Variants in TNFSF4 observed in about 807,000 individuals in gnomAD.
TNFSF4 encodes the protein TNF superfamily member 4, also known as tumor necrosis factor ligand superfamily member 4.
Under a neutral mutation model 7.3 loss-of-function variants are expected in TNFSF4, and 4 were observed. That is an observed-to-expected ratio of 0.55 (90% CI 0.27 to 1.25). The LOEUF is 1.25. Ranked by LOEUF, TNFSF4 falls within the 50% of genes most tolerant of loss-of-function variation. The pLI, the probability that TNFSF4 is intolerant of heterozygous loss-of-function variation, is 0.12. For synonymous variants in TNFSF4, 76 were observed against 83.7 expected (o/e 0.91, Z 0.50); for missense variants, 181 against 208.8 (o/e 0.87, Z 0.82).
the TNFSF4 span, among the ~76,000 whole-genome samples, chr1:173,329,666 G>A: frequency 1.3e-5 from 2 of 152,086 alleles, no homozygotes; most frequent in Non-Finnish European, 2.9e-5. Flanking sequence ...CATGTAATAT[G>A]AGCACCTTCT....
chr1:173,404,636 T>C, the TNFSF4 span, among the ~76,000 whole-genome samples: 2 of 16,100 alleles, frequency 1.2e-4, no homozygotes, highest in Non-Finnish European at 2.5e-4. Context: ...TGACTGCCAT[T>C]TTTTTTTTTT....
At chr1:173,254,232 T>C in the TNFSF4 span, among the ~76,000 whole-genome samples, 2 of 152,200 alleles carry the variant, frequency 1.3e-5, no homozygotes, top group African/African-American at 2.4e-5. Context: ...AAATCTAACT[T>C]GTTTTTATTC....
chr1:173,429,082 T>C, the TNFSF4 span, among the ~76,000 whole-genome samples: 1 of 152,088 alleles, frequency 6.6e-6, no homozygotes. Flanking sequence ...AGAGGATATG[T>C]GTAAAACAAA....
Position 173,186,152 on chromosome 1 carries a change from A to C in TNFSF4, c.*364T>G. 1.7e-5 allele frequency: 3 copies of C among 180,744 alleles called. No individual in the cohort carries two copies. Among genetic ancestry groups the C allele is most frequent in the Non-Finnish European group, 2.4e-5 (2 of 84,288 alleles). 11.2% of individuals were successfully genotyped at this position (180,744 alleles called of 1,614,324 possible). On this transcript the variant is annotated 3_prime_UTR_variant, in exon 3 of 3. Coordinates refer to ENST00000281834, the MANE Select transcript of TNFSF4 (RefSeq NM_003326.5). ...GTCAAATTTCCAGCAAATGGTAGTC[A>C]GGTACCGTTTTCAATGACATAAGTT...
chr1:173,307,424 A>G, the TNFSF4 span, among the ~76,000 whole-genome samples: 1 of 151,960 alleles, frequency 6.6e-6, no homozygotes, highest in Admixed American at 6.6e-5. Flanking sequence ...TGAATGACAA[A>G]GGCTGAGGAA....
the TNFSF4 span, among the ~76,000 whole-genome samples, chr1:173,316,892 T>C: frequency 1.3e-5 from 2 of 152,200 alleles, no homozygotes; most frequent in African/African-American, 4.8e-5. Context: ...AGCTTTGTTT[T>C]ACCTTTAACC....
At chr1:173,427,720 T>C in the TNFSF4 span, among the ~76,000 whole-genome samples, 1 of 152,252 alleles carries the variant, frequency 6.6e-6, no homozygotes, top group East Asian at 1.9e-4. Flanking sequence ...TCACAGAGTG[T>C]ACTTACACAA....
chr1:173,298,003 T>A, the TNFSF4 span, among the ~76,000 whole-genome samples: 1 of 151,844 alleles, frequency 6.6e-6, no homozygotes, highest in Non-Finnish European at 1.5e-5. Flanking sequence ...GTGGGTAGAG[T>A]CTGGGGAAGT....
chr1:173,448,208 T>C, the TNFSF4 span, among the ~76,000 whole-genome samples: 3 of 152,086 alleles, frequency 2.0e-5, no homozygotes, highest in African/African-American at 4.8e-5. Flanking sequence ...TTGATAGAAG[T>C]AGACAGAAAA....
At chr1:173,182,298 G>T (rs1011689992), downstream of TNFSF4, among the ~76,000 whole-genome samples, 1 of 152,196 alleles carries the variant, frequency 6.6e-6, no homozygotes, top group Non-Finnish European at 1.5e-5. Context: ...AAATGTTTAT[G>T]CATTTACCCA....
At chr1:173,333,672 G>A in the TNFSF4 span, among the ~76,000 whole-genome samples, 1 of 152,138 alleles carries the variant, frequency 6.6e-6, no homozygotes, top group African/African-American at 2.4e-5. Context: ...CAAAAAGAGG[G>A]CTCTCAGCAG....
the TNFSF4 span, among the ~76,000 whole-genome samples, chr1:173,316,912 A>G: frequency 5.3e-5 from 8 of 152,176 alleles, no homozygotes; most frequent in Non-Finnish European, 8.8e-5. Context: ...CTTTAAGACT[A>G]TGATCCATCT....
chr1:173,424,950 GATTCTTTAAATATTTCTT>G, the TNFSF4 span, among the ~76,000 whole-genome samples: 1 of 152,162 alleles, frequency 6.6e-6, no homozygotes, highest in East Asian at 1.9e-4. Flanking sequence ...TTCAATCAGA[GATTCTTTAAATATTTCTT>G]ATTCTTTAAA....
chr1:173,197,602 C>T (rs150208773), intron 1 of TNFSF4, among the ~76,000 whole-genome samples: 4 of 152,102 alleles, frequency 2.6e-5, no homozygotes, highest in Admixed American at 2.0e-4. Flanking sequence ...AGAAAAACAC[C>T]GCATGTTCTC....
At chr1:173,220,777 C>T in the TNFSF4 span, among the ~76,000 whole-genome samples, 1 of 152,154 alleles carries the variant, frequency 6.6e-6, no homozygotes, top group Admixed American at 6.5e-5. Flanking sequence ...CTTCCTAGTT[C>T]TCCAGAACTA....
the TNFSF4 span, among the ~76,000 whole-genome samples, chr1:173,390,746 T>TTC: frequency 3.1e-5 from 2 of 65,454 alleles, no homozygotes; most frequent in Admixed American, 1.7e-4. Flanking sequence ...TCTTTTTTTT[T>TTC]TTTCTTTTTT....
the TNFSF4 span, among the ~76,000 whole-genome samples, chr1:173,308,915 A>G: frequency 3.3e-5 from 5 of 152,048 alleles, no homozygotes; most frequent in East Asian, 9.7e-4. Context: ...GATGTTTATA[A>G]AATAGCCTCA....
At chr1:173,363,708 A>G in the TNFSF4 span, 1 of 236,996 alleles carries the variant, frequency 4.2e-6, no homozygotes, top group South Asian at 6.6e-5. Flanking sequence ...GATGTTTGAG[A>G]ACTGAGAACC....
the TNFSF4 span, among the ~76,000 whole-genome samples, chr1:173,434,548 A>G: frequency 6.6e-6 from 1 of 152,238 alleles, no homozygotes; most frequent in East Asian, 1.9e-4. Flanking sequence ...ATGAGAGTTC[A>G]TGGATGTGCT....
Sources: allele counts gnomAD v4.1 joint callset (sites outside exome capture counted in the v4.1 genomes callset), GRCh38; gene constraint gnomAD v4.1.1; transcripts MANE v1.5; gene names NCBI Gene and HGNC (gene_info 2026-07-23, HGNC 2026-07-21).